The following PWP1 variants were observed in gnomAD, a reference collection of about 807,000 sequenced individuals.
PWP1 encodes the protein periodic tryptophan protein 1 homolog.
Under a neutral mutation model 69.9 loss-of-function variants are expected in PWP1, and 47 were observed. The observed-to-expected ratio is 0.67, with a 90% CI of 0.53 to 0.86. The LOEUF (loss-of-function observed/expected upper bound fraction) is 0.86. Among genes scored for constraint, PWP1 ranks in the 40% least tolerant of loss-of-function variants. The pLI is 0.00. For missense variants in PWP1, 551 were observed against 608.8 expected (o/e 0.91, Z 1.00); for synonymous variants, 222 against 208.2 (o/e 1.07, Z -0.57).
At chr12:107,686,773 T>C (rs557233329) in intron 1 of PWP1, among the ~76,000 whole-genome samples, 2 of 152,270 alleles carry the variant, frequency 1.3e-5, no homozygotes, top group South Asian at 2.1e-4. Context: ...GAGAGCATCC[T>C]GGCTAACACG....
Position 107,712,832 on chromosome 12 carries a change from G to A in PWP1, c.*612G>A, listed in dbSNP as rs574612618. ...AACACTGAATGCCATTCTGTGCCTA[G>A]TGCTATACAAGGCATGGGAGATTCA... On this transcript the variant is annotated 3_prime_UTR_variant, in exon 15 of 15. Transcript: ENST00000412830. 6.6e-6 allele frequency: 1 copy of A among 152,402 alleles called. No homozygotes were observed. Among genetic ancestry groups the A allele is most frequent in the South Asian group, 2.1e-4 (1 of 4,830 alleles). The allele number at this position is 152,402 out of a possible 1,614,324, so 9.4% of individuals were successfully genotyped here.
At chr12:107,705,332 C>T (rs1566082074) in intron 11 of PWP1, among the ~76,000 whole-genome samples, 1 of 151,382 alleles carries the variant, frequency 6.6e-6, no homozygotes, top group Non-Finnish European at 1.5e-5. Context: ...GCCCAGTTTT[C>T]CTGAAGTAAA....
In PWP1 at chr12:107,703,084, G is replaced by A. The variant is rs1325134322; in HGVS notation, c.903+53G>A. The A allele has an allele frequency of 8.5e-6, 11 of 1,292,856 alleles. No homozygotes were observed. The African/African-American group carries it at 1.0e-4, about 12-fold the overall frequency. The allele number at this position is 1,292,856 out of a possible 1,614,324, so 80.1% of individuals were successfully genotyped here. A position where few individuals can be genotyped will look rare whatever the true frequency, so the allele number is the denominator to read the frequency against. ...TTCTTAAAAATCGGACACAAATATT[G>A]GCTAAAAATAATCCCAAACGTTTAT... On this transcript the variant is annotated intron_variant, in intron 9 of 14. Transcript: ENST00000412830.
chr12:107,712,995 A>G lies in PWP1; in HGVS notation c.*775A>G, dbSNP rs1252031573. The G allele has an allele frequency of 3.9e-5, 6 of 152,250 alleles. No homozygotes were observed. The highest frequency in any genetic ancestry group is 8.8e-5 in the Non-Finnish European group (6 of 68,042). 9.4% of individuals were successfully genotyped at this position (152,250 alleles called of 1,614,324 possible). Reference sequence around the variant, plus strand: ...ATGAGACCCAACCCTAACTTGCCAGAAGAGTAATCAGTTCATGAACCATTG... The same window carrying G: ...ATGAGACCCAACCCTAACTTGCCAGGAGAGTAATCAGTTCATGAACCATTG... On this transcript the variant is annotated 3_prime_UTR_variant, in exon 15 of 15. Transcript: ENST00000412830.
At position 107,710,580 on chromosome 12, in the gene PWP1, G is replaced by T. The variant is rs961916372; in HGVS notation, c.1396+70G>T. 2.1e-5 allele frequency: 30 copies of T among 1,429,870 alleles called. No individual in the cohort carries two copies. The South Asian group carries it at 2.8e-4, about 13-fold the overall frequency. The allele number at this position is 1,429,870 out of a possible 1,614,324, so 88.6% of individuals were successfully genotyped here. On this transcript the variant is annotated intron_variant, in intron 14 of 14. Coordinates refer to ENST00000412830, the MANE Select transcript of PWP1 (RefSeq NM_007062.3). ...AAAAAAAAAAAAAAAAAAAGACAGG[G>T]TCTCACCATGTTGCCCAGGCTGGTC...
intron 11 of PWP1, 38 bp from the exon 12 acceptor site, chr12:107,708,888 G>T: frequency 6.4e-7 from 1 of 1,564,582 alleles, no homozygotes; most frequent in South Asian, 1.1e-5. Context: ...TAGATTTTGT[G>T]ACGTAGCATG....
chr12:107,708,814 C>A, intron 11 of PWP1, 112 bp from the exon 12 acceptor site: 1 of 971,048 alleles, frequency 1.0e-6, no homozygotes, highest in Non-Finnish European at 1.5e-6. Flanking sequence ...GTTAATTTTT[C>A]ATAAGTTCCA....
intron 11 of PWP1, among the ~76,000 whole-genome samples, chr12:107,707,455 G>C (rs1889845740): frequency 6.6e-6 from 1 of 152,286 alleles, no homozygotes; most frequent in East Asian, 1.9e-4. Flanking sequence ...TGGTGAGAGA[G>C]GGCATCCCTG....
intron 5 of PWP1, among the ~76,000 whole-genome samples, chr12:107,694,492 TGGGAAGCCTATAGA>T (rs1188177687): frequency 6.6e-6 from 1 of 152,228 alleles, no homozygotes; most frequent in African/African-American, 2.4e-5. Context: ...AGGCTGTCCG[TGGGAAGCCTATAGA>T]TTAGGCCCAT....
intron 9 of PWP1, 91 bp downstream of exon 9, chr12:107,703,122 A>G (rs1889746361): frequency 1.1e-6 from 1 of 932,000 alleles, no homozygotes; most frequent in Non-Finnish European, 1.7e-6. Context: ...ATGGCTTTGA[A>G]AATAATTTTA....
chr12:107,699,029 C>T lies in PWP1; in HGVS notation c.745-344C>T, dbSNP rs1361918165. Among the ~76,000 whole-genome samples, 23 of 152,072 alleles carry T rather than the reference C, an allele frequency of 1.5e-4. 1 individual carries two copies. Among genetic ancestry groups the T allele is most frequent in the Admixed American group, 1.5e-3 (23 of 15,260 alleles). On this transcript the variant is annotated intron_variant, in intron 7 of 14. Coordinates refer to ENST00000412830, the MANE Select transcript of PWP1 (RefSeq NM_007062.3). Reference sequence around the variant, plus strand: ...CTGTAATCCCAACACTTTGGGAGGCCGAGAGTGGATCATGAGGTCAGGAGT... The same window carrying T: ...CTGTAATCCCAACACTTTGGGAGGCTGAGAGTGGATCATGAGGTCAGGAGT...
Position 107,703,675 on chromosome 12 carries a change from C to T in PWP1, c.904-10C>T, listed in dbSNP as rs778150834. The T allele has an allele frequency of 6.3e-7, 1 of 1,594,838 alleles. No individual in the cohort carries two copies. The highest frequency in any genetic ancestry group is 8.6e-7 in the Non-Finnish European group (1 of 1,162,682). ...ACAGAGATCTCTGCATTTATGTTTC[C>T]TCCCTTTAGGTCCAAACACTGCAGT... On this transcript the variant is annotated splice_polypyrimidine_tract_variant and intron_variant, in intron 9 of 14. Transcript: ENST00000412830.
At chr12:107,702,899 TA>T in intron 8 of PWP1, 35 bp from the exon 9 acceptor site, 1 of 1,359,562 alleles carries the variant, frequency 7.4e-7, no homozygotes, top group Non-Finnish European at 1.1e-6. Context: ...TCTTGACTTT[TA>T]AAAGATTACC....
chr12:107,707,468 T>C (rs1889846016), intron 11 of PWP1, among the ~76,000 whole-genome samples: 1 of 152,248 alleles, frequency 6.6e-6, no homozygotes, highest in Admixed American at 6.5e-5. Context: ...CATCCCTGTC[T>C]TGTGCCAGTT....
chr12:107,701,465 CTTTT>C (rs1288658296), intron 8 of PWP1, among the ~76,000 whole-genome samples: 1 of 152,084 alleles, frequency 6.6e-6, no homozygotes, highest in African/African-American at 2.4e-5. Context: ...TACTTTATTT[CTTTT>C]GTTGTTCATG....
intron 3 of PWP1, among the ~76,000 whole-genome samples, chr12:107,691,950 CCTTCATT>C: frequency 6.6e-6 from 1 of 152,218 alleles, no homozygotes; most frequent in South Asian, 2.1e-4. Flanking sequence ...GGCTCTAAAG[CCTTCATT>C]CTTTTCACTG....
chr12:107,692,833 A>G lies in PWP1; in HGVS notation c.339A>G (p.Glu113=). The G allele has an allele frequency of 6.2e-7, 1 of 1,613,148 alleles. No individual in the cohort carries two copies. Among genetic ancestry groups the G allele is most frequent in the South Asian group, 1.1e-5 (1 of 90,852 alleles). ...TTACAGATGCTGAGACTCTTGGTGAATCTCTCTTGGGTCTTACGGTCTACG... is the reference window on the plus strand; with the variant it reads ...TTACAGATGCTGAGACTCTTGGTGAGTCTCTCTTGGGTCTTACGGTCTACG... The part of the protein sequence containing the change: ...EGDPDAETLG[E]SLLGLTVYGS... The change falls in exon 4 of 15, where the codon GAA becomes GAG. Residue 113 remains glutamate, a synonymous_variant. Transcript: ENST00000412830.
Position 107,710,426 on chromosome 12 carries a change from T to C in PWP1, c.1312T>C (p.Cys438Arg), listed in dbSNP as rs1396415429. Reference sequence around the variant, plus strand: ...CTAGGGAGTTCTCTTCTGTTCTTCATGTTGCCCTGATTTGCCATTTATTTA... The same window carrying C: ...CTAGGGAGTTCTCTTCTGTTCTTCACGTTGCCCTGATTTGCCATTTATTTA... Reference protein sequence around the residue: ...MKMGVLFCSSCCPDLPFIYAF... With the variant: ...MKMGVLFCSSRCPDLPFIYAF... The change falls in exon 14 of 15, where the codon TGT becomes CGT. Residue 438 changes from cysteine to arginine, a missense_variant. Transcript: ENST00000412830. 6.2e-7 allele frequency: 1 copy of C among 1,613,714 alleles called. No homozygotes were observed. Among genetic ancestry groups the C allele is most frequent in the Non-Finnish European group, 8.5e-7 (1 of 1,179,738 alleles).
At chr12:107,709,526 T>A (rs1299751264) in intron 13 of PWP1, among the ~76,000 whole-genome samples, 17 of 143,066 alleles carry the variant, frequency 1.2e-4, no homozygotes, top group African/African-American at 3.9e-4. Flanking sequence ...TTTTTTTTTT[T>A]TAAAACCCTG....
Sources: gnomAD v4.1 joint callset for allele counts (sites outside exome capture counted in the v4.1 genomes callset) on GRCh38, gnomAD v4.1.1 for gene constraint, MANE v1.5 for transcripts, NCBI Gene and HGNC (gene_info 2026-07-23, HGNC 2026-07-21) for gene names.